Variants in DIP2B observed in about 807,000 individuals in gnomAD.
The protein encoded by DIP2B is DIP2 acetate--CoA ligase B (putative).
In DIP2B, 76 loss-of-function variants were observed where a neutral mutation model predicts 198.0. That is an observed-to-expected ratio of 0.38 (90% CI 0.32 to 0.46). The LOEUF (loss-of-function observed/expected upper bound fraction) is 0.46. Ranked by LOEUF, DIP2B falls within the 20% of genes least tolerant of loss-of-function variation. The pLI, the probability that DIP2B is intolerant of heterozygous loss-of-function variation, is 0.99. For missense variants in DIP2B, 1,559 were observed against 1,978.4 expected (o/e 0.79, Z 4.02); for synonymous variants, 701 against 739.1 (o/e 0.95, Z 0.84).
intron 1 of DIP2B, among the ~76,000 whole-genome samples, chr12:50,534,005 T>C (rs1002182165): frequency 6.6e-6 from 1 of 152,192 alleles, no homozygotes; most frequent in African/African-American, 2.4e-5. Context: ...AACTTGGTAT[T>C]ATCATAATTA....
At chr12:50,537,050 C>T (rs1958274376) in intron 1 of DIP2B, among the ~76,000 whole-genome samples, 2 of 144,026 alleles carry the variant, frequency 1.4e-5, no homozygotes, top group Admixed American at 7.1e-5. Context: ...ACTCATTATC[C>T]TGTGCTTTTT....
At position 50,691,156 on chromosome 12, in the gene DIP2B, G is replaced by C; in HGVS notation, c.1654+5G>C. On this transcript the variant is annotated splice_donor_5th_base_variant and intron_variant, in intron 13 of 37. Coordinates refer to ENST00000301180, the MANE Select transcript of DIP2B (RefSeq NM_173602.3). Reference sequence around the variant, plus strand: ...AGGCCTGCAATTATTCTGAAGGTCAGACCTCATCCCATGACTGCCCTCATT... The same window carrying C: ...AGGCCTGCAATTATTCTGAAGGTCACACCTCATCCCATGACTGCCCTCATT... 6.2e-7 allele frequency: 1 copy of C among 1,613,696 alleles called. No homozygotes were observed. Among genetic ancestry groups the C allele is most frequent in the Non-Finnish European group, 8.5e-7 (1 of 1,179,700 alleles).
intron 1 of DIP2B, among the ~76,000 whole-genome samples, chr12:50,536,096 C>T (rs1958263481): frequency 2.6e-5 from 4 of 151,700 alleles, no homozygotes; most frequent in Admixed American, 2.6e-4. Flanking sequence ...TCCAGTCTAT[C>T]ATTGTTGGAC....
chr12:50,686,362 A>G (rs1422110087), intron 11 of DIP2B, among the ~76,000 whole-genome samples: 3 of 152,196 alleles, frequency 2.0e-5, no homozygotes, highest in Non-Finnish European at 4.4e-5. Context: ...AGGTAATGTC[A>G]AGGCCTGGAA....
chr12:50,518,255 T>C lies in DIP2B; in HGVS notation c.100+13015T>C, dbSNP rs1958083603. Among the ~76,000 whole-genome samples the C allele has an allele frequency of 2.0e-5, 3 of 148,870 alleles. No individual in the cohort carries two copies. In the Admixed American group the frequency reaches 2.0e-4, roughly 10 times the overall value. ...TTTTTTTTTTTTGAGACAGAATCTC[T>C]CTCTTATTGCCCAGGCTGGAGTGCA... is the stretch of plus-strand genomic sequence containing the variant. On this transcript the variant is annotated intron_variant, in intron 1 of 37. Transcript: ENST00000301180.
chr12:50,642,893 A>T (rs1302456314), intron 3 of DIP2B, among the ~76,000 whole-genome samples: 1 of 152,174 alleles, frequency 6.6e-6, no homozygotes, highest in Non-Finnish European at 1.5e-5. Context: ...GTTGCCAATC[A>T]CCTGAGCCTC....
intron 22 of DIP2B, 41 bp downstream of exon 22, chr12:50,708,603 GCAAC>G: frequency 2.7e-6 from 4 of 1,478,504 alleles, no homozygotes; most frequent in Non-Finnish European, 3.7e-6. Flanking sequence ...AGCGGTGGCA[GCAAC>G]CACTGCCTAA....
chr12:50,597,719 G>A (rs953983589), intron 1 of DIP2B, among the ~76,000 whole-genome samples: 1 of 152,190 alleles, frequency 6.6e-6, no homozygotes, highest in Non-Finnish European at 1.5e-5. Flanking sequence ...GCAAGTGTGT[G>A]ATGACTGCCG....
At chr12:50,623,038 T>C (rs1937845806) in intron 1 of DIP2B, among the ~76,000 whole-genome samples, 1 of 152,024 alleles carries the variant, frequency 6.6e-6, no homozygotes, top group South Asian at 2.1e-4. Context: ...GAAAGATGTG[T>C]ACTTTTGAAT....
chr12:50,554,101 A>G (rs937693859), intron 1 of DIP2B, among the ~76,000 whole-genome samples: 1 of 151,820 alleles, frequency 6.6e-6, no homozygotes, highest in Non-Finnish European at 1.5e-5. Flanking sequence ...CTTCTACCCA[A>G]TTTTCTCTTC....
intron 1 of DIP2B, among the ~76,000 whole-genome samples, chr12:50,575,015 A>G (rs981867098): frequency 1.3e-5 from 2 of 152,062 alleles, no homozygotes; most frequent in African/African-American, 4.8e-5. Flanking sequence ...ATATGCCTAC[A>G]TCTCTTTCAT....
Position 50,622,912 on chromosome 12 carries a change from AT to A in DIP2B, c.101-3049del, listed in dbSNP as rs761345526. ...CAGGCGTGAGCCACCTTGCCCAGCT[AT>A]TTTTTTTTTTTTTTACCCCATCTAA... is the stretch of plus-strand genomic sequence containing the variant. On this transcript the variant is annotated intron_variant, in intron 1 of 37. Transcript: ENST00000301180. Among the ~76,000 whole-genome samples the A allele has an allele frequency of 9.3e-3, 1,302 of 140,510 alleles. 2 individuals carry two copies. The highest frequency in any genetic ancestry group is 0.022 in the Middle Eastern group (6 of 270). 92.2% of individuals were successfully genotyped at this position (140,510 alleles called of 152,430 possible).
At chr12:50,628,196 C>T (rs975230580) in intron 2 of DIP2B, among the ~76,000 whole-genome samples, 5 of 152,022 alleles carry the variant, frequency 3.3e-5, no homozygotes, top group African/African-American at 1.2e-4. Flanking sequence ...CATGGCGAAA[C>T]CCCATCTCTA....
intron 8 of DIP2B, 48 bp from the exon 9 acceptor site, chr12:50,680,624 C>A: frequency 6.6e-7 from 1 of 1,526,178 alleles, no homozygotes; most frequent in Non-Finnish European, 9.0e-7. Context: ...TGAGGTAGAC[C>A]TGTTTTTTTT....
rs1939903325 is a variant in DIP2B, at chr12:50,724,902, C to T, written c.3400+16C>T. The T allele has an allele frequency of 6.2e-7, 1 of 1,611,760 alleles. No individual in the cohort carries two copies. Among genetic ancestry groups the T allele is most frequent in the Non-Finnish European group, 8.5e-7 (1 of 1,177,854 alleles). On this transcript the variant is annotated intron_variant, in intron 28 of 37. Transcript: ENST00000301180. ...ATTGACACAGGTGAAAGGGAGACTT[C>T]TTCTGAGGGTGGAGGGACTGAGAGC...
At chr12:50,505,628 C>T (rs1422666877) in intron 1 of DIP2B, among the ~76,000 whole-genome samples, 1 of 152,088 alleles carries the variant, frequency 6.6e-6, no homozygotes, top group Non-Finnish European at 1.5e-5. Context: ...CTCCCCTTTT[C>T]GTGGAGGGCT....
intron 1 of DIP2B, among the ~76,000 whole-genome samples, chr12:50,595,224 CG>C (rs1356983082): frequency 1.3e-5 from 2 of 152,190 alleles, no homozygotes; most frequent in African/African-American, 4.8e-5. Context: ...TGCACACAGT[CG>C]TACATTCTCT....
intron 1 of DIP2B, among the ~76,000 whole-genome samples, chr12:50,506,002 G>T (rs1046708198): frequency 1.3e-5 from 2 of 151,706 alleles, no homozygotes; most frequent in Non-Finnish European, 2.9e-5. Context: ...ACAATGGATT[G>T]GGACAGGGAG....
chr12:50,538,760 G>A (rs1289598651), intron 1 of DIP2B, among the ~76,000 whole-genome samples: 1 of 151,990 alleles, frequency 6.6e-6, no homozygotes. Flanking sequence ...TACAGTTTTT[G>A]CAATATTATT....
Sources: allele counts gnomAD v4.1 joint callset (sites outside exome capture counted in the v4.1 genomes callset), GRCh38; gene constraint gnomAD v4.1.1; transcripts MANE v1.5; gene names NCBI Gene and HGNC (gene_info 2026-07-23, HGNC 2026-07-21).